Variants in HFM1 observed in about 807,000 individuals in gnomAD.
The protein encoded by HFM1 is probable ATP-dependent DNA helicase HFM1.
Under a neutral mutation model 192.1 loss-of-function variants are expected in HFM1, and 169 were observed. The observed-to-expected ratio is 0.88, with a 90% CI of 0.78 to 1.00. The LOEUF (loss-of-function observed/expected upper bound fraction) is 1.00, where lower values mean the gene tolerates loss of function less well. Among genes scored for constraint, HFM1 ranks in the 50% least tolerant of loss-of-function variants. The pLI, the probability that HFM1 is intolerant of heterozygous loss-of-function variation, is 0.00. For missense variants in HFM1, 1,661 were observed against 1,668.0 expected (o/e 1.00, Z 0.07); for synonymous variants, 525 against 537.8 (o/e 0.98, Z 0.33).
chr1:91,300,312 A>T (rs1648509832), intron 30 of HFM1, among the ~76,000 whole-genome samples: 1 of 152,220 alleles, frequency 6.6e-6, no homozygotes, highest in African/African-American at 2.4e-5. Flanking sequence ...AACCAAAAAA[A>T]GTCCAGGACC....
At chr1:91,303,888 C>T (rs945959652) in intron 30 of HFM1, among the ~76,000 whole-genome samples, 7 of 152,166 alleles carry the variant, frequency 4.6e-5, no homozygotes, top group African/African-American at 1.7e-4. Context: ...CTCTGTCACC[C>T]AGGTTGGAGT....
chr1:91,390,447 A>G (rs561539733), intron 4 of HFM1, among the ~76,000 whole-genome samples: 24 of 151,536 alleles, frequency 1.6e-4, no homozygotes, highest in East Asian at 5.8e-4. Context: ...AAAAAAAAAA[A>G]AGAGAGAAAG....
At chr1:91,337,918 A>G (rs140138710) in intron 20 of HFM1, among the ~76,000 whole-genome samples, 1 of 152,288 alleles carries the variant, frequency 6.6e-6, no homozygotes, top group East Asian at 1.9e-4. Flanking sequence ...ATCTCCCACC[A>G]AAAGACCAGA....
chr1:91,370,992 T>C (rs1660107127), intron 13 of HFM1, among the ~76,000 whole-genome samples: 1 of 151,808 alleles, frequency 6.6e-6, no homozygotes. Flanking sequence ...CCATTCACAA[T>C]TGCTTCAAAG....
At chr1:91,261,446 A>G in intron 38 of HFM1, 87 bp from the exon 39 acceptor site, 1 of 544,058 alleles carries the variant, frequency 1.8e-6, no homozygotes, top group South Asian at 7.5e-5. Flanking sequence ...TACTAAACAC[A>G]ATAAAATAAA....
At chr1:91,321,134 A>C (rs1029213865) in intron 23 of HFM1, among the ~76,000 whole-genome samples, 7 of 152,162 alleles carry the variant, frequency 4.6e-5, no homozygotes, top group Non-Finnish European at 1.0e-4. Context: ...GAAGAATTTA[A>C]AAATAGCCTT....
Position 91,289,282 on chromosome 1 carries a change from G to A in HFM1, c.3392-12220C>T, listed in dbSNP as rs890517106. On this transcript the variant is annotated intron_variant, in intron 30 of 38. Transcript: ENST00000370425. The stretch of plus-strand genomic sequence containing the variant: ...TCAGACGGGGCGGCGGGGCAGAGGC[G>A]CTCCCCACATCCCAGACGATGGGCG... Among the ~76,000 whole-genome samples, 18 of 151,402 alleles carry A rather than the reference G, an allele frequency of 1.2e-4. 1 individual carries two copies. Among genetic ancestry groups the A allele is most frequent in the Middle Eastern group, 6.8e-3 (2 of 292 alleles).
intron 11 of HFM1, chr1:91,377,535 A>G (rs896597369): frequency 6.5e-6 from 1 of 153,894 alleles, no homozygotes; most frequent in African/African-American, 2.4e-5. Flanking sequence ...ATTTCTTTAC[A>G]TGTCCATGTA....
At chr1:91,397,036 A>G (rs1352744993) in intron 2 of HFM1, among the ~76,000 whole-genome samples, 2 of 152,220 alleles carry the variant, frequency 1.3e-5, no homozygotes, top group Non-Finnish European at 2.9e-5. Context: ...ATGAGAATCT[A>G]ACTAATGTCT....
chr1:91,350,119 T>C (rs539781151), intron 18 of HFM1, among the ~76,000 whole-genome samples: 2 of 152,288 alleles, frequency 1.3e-5, no homozygotes, highest in South Asian at 2.1e-4. Context: ...AGTATTTATA[T>C]AGATATTCTT....
intron 19 of HFM1, among the ~76,000 whole-genome samples, chr1:91,346,994 C>T (rs1350367220): frequency 3.3e-5 from 5 of 152,010 alleles, no homozygotes; most frequent in Non-Finnish European, 7.4e-5. Flanking sequence ...TGGTGGCTCA[C>T]GCCTATAGTC....
intron 30 of HFM1, among the ~76,000 whole-genome samples, chr1:91,297,636 T>C (rs1647869766): frequency 1.3e-5 from 2 of 152,192 alleles, no homozygotes; most frequent in Admixed American, 1.3e-4. Context: ...TGTTCACCAA[T>C]ATCTGCTGTT....
chr1:91,299,569 A>T (rs1648323367), intron 30 of HFM1, among the ~76,000 whole-genome samples: 1 of 152,212 alleles, frequency 6.6e-6, no homozygotes, highest in Admixed American at 6.5e-5. Context: ...AAGAACAGAA[A>T]TTATAACAAA....
At chr1:91,391,136 T>C (rs1360320225) in intron 4 of HFM1, among the ~76,000 whole-genome samples, 2 of 152,200 alleles carry the variant, frequency 1.3e-5, no homozygotes, top group Non-Finnish European at 2.9e-5. Context: ...TCCATGCTCA[T>C]GGATAGGAAG....
chr1:91,332,323 T>C (rs541421458), intron 20 of HFM1, among the ~76,000 whole-genome samples: 1 of 152,342 alleles, frequency 6.6e-6, no homozygotes, highest in South Asian at 2.1e-4. Context: ...GAACTCATTT[T>C]TGACAAAGGT....
rs930329876 is a variant in HFM1, at chr1:91,335,818, T to A, written c.2335+7612A>T. On this transcript the variant is annotated intron_variant, in intron 20 of 38. Transcript: ENST00000370425. ...GCTGCTGTGCTCTGAATCATCATCATGTTTACACCGAGATCATACTTTCAT... is the reference window on the plus strand; with the variant it reads ...GCTGCTGTGCTCTGAATCATCATCAAGTTTACACCGAGATCATACTTTCAT... Among the ~76,000 whole-genome samples, 3 of 152,016 alleles carry A rather than the reference T, an allele frequency of 2.0e-5. No homozygotes were observed. In the South Asian group the frequency reaches 6.2e-4, roughly 32 times the overall value.
intron 23 of HFM1, among the ~76,000 whole-genome samples, chr1:91,322,268 A>G (rs1312527052): frequency 6.6e-6 from 1 of 152,202 alleles, no homozygotes; most frequent in Non-Finnish European, 1.5e-5. Flanking sequence ...AATCCCAAAG[A>G]AAGAATGGCC....
chr1:91,340,085 A>C (rs192819267), intron 20 of HFM1, among the ~76,000 whole-genome samples: 2 of 152,242 alleles, frequency 1.3e-5, no homozygotes, highest in African/African-American at 4.8e-5. Flanking sequence ...GGCTCACTGC[A>C]ACCTCCTCCT....
At chr1:91,348,132 G>A (rs938410443) in intron 18 of HFM1, among the ~76,000 whole-genome samples, 3 of 152,002 alleles carry the variant, frequency 2.0e-5, no homozygotes, top group Non-Finnish European at 4.4e-5. Context: ...GTATATGTGT[G>A]TATAAACACA....
Sources: allele counts gnomAD v4.1 joint callset (sites outside exome capture counted in the v4.1 genomes callset), GRCh38; gene constraint gnomAD v4.1.1; transcripts MANE v1.5; gene names NCBI Gene and HGNC (gene_info 2026-07-23, HGNC 2026-07-21).